Variants in SLC4A5 observed in about 807,000 individuals in gnomAD.
The protein encoded by SLC4A5 is electrogenic sodium bicarbonate cotransporter 4.
In SLC4A5, 96 loss-of-function variants were observed where a neutral mutation model predicts 120.4. The observed-to-expected ratio is 0.80, with a 90% CI of 0.68 to 0.94. The LOEUF is 0.94. Ranked by LOEUF, SLC4A5 falls within the 40% of genes least tolerant of loss-of-function variation. The probability of loss-of-function intolerance (pLI) is 0.00; values close to 1 mark genes in which losing one functional copy is unlikely to be tolerated. For synonymous variants in SLC4A5, 550 were observed against 571.1 expected (o/e 0.96, Z 0.53); for missense variants, 1,259 against 1,459.5 (o/e 0.86, Z 2.24).
Position 74,252,205 on chromosome 2 carries a change from G to A in SLC4A5, c.1452C>T (p.Ile484=), listed in dbSNP as rs757409721. ...TTCCTGTCCAGATAAGTTCCTCCCC[G>A]ATTTCATGCATGGCTGGCATCTCTC... The change falls in exon 16 of 31, where the codon ATC becomes ATT. Residue 484 remains isoleucine, a synonymous_variant. Coordinates refer to ENST00000394019, the Ensembl canonical transcript of SLC4A5. 5 of 1,612,704 alleles carry A rather than the reference G, an allele frequency of 3.1e-6. No homozygotes were observed. The African/African-American group carries it at 4.0e-5, about 13-fold the overall frequency.
chr2:74,307,481 T>A lies in SLC4A5; in HGVS notation c.80-2801A>T, dbSNP rs948437218. 1.6e-5 allele frequency: 10 copies of A among 624,816 alleles called. No homozygotes were observed. The African/African-American group carries it at 1.8e-4, about 11-fold the overall frequency. The allele number at this position is 624,816 out of a possible 1,614,324, so 38.7% of individuals were successfully genotyped here. ...TGTGGAGCCCACGGATGTCGCTCTC[T>A]ACAGACTAGCGCATGGCCAGCTCTG... On this transcript the variant is annotated intron_variant, in intron 6 of 30. Transcript: ENST00000394019.
intron 7 of SLC4A5, among the ~76,000 whole-genome samples, chr2:74,293,585 C>T (rs12053121): frequency 6.6e-6 from 1 of 152,158 alleles, no homozygotes; most frequent in Non-Finnish European, 1.5e-5. Flanking sequence ...AGGAAGCAGC[C>T]TAGAGGCGAA....
intron 8 of SLC4A5, 103 bp from the exon 9 acceptor site, chr2:74,265,367 T>G: frequency 7.2e-7 from 1 of 1,384,388 alleles, no homozygotes; most frequent in Non-Finnish European, 9.9e-7. Flanking sequence ...ATGCTATGTA[T>G]GTGGTTGTGG....
intron 7 of SLC4A5, among the ~76,000 whole-genome samples, chr2:74,287,679 A>C (rs1390282760): frequency 1.3e-5 from 2 of 152,028 alleles, no homozygotes; most frequent in Non-Finnish European, 2.9e-5. Context: ...AAGCTTCTTG[A>C]TTCAACTCCT....
intron 11 of SLC4A5, among the ~76,000 whole-genome samples, chr2:74,261,112 G>T (rs1449206591): frequency 6.6e-6 from 1 of 152,140 alleles, no homozygotes; most frequent in Non-Finnish European, 1.5e-5. Flanking sequence ...TGCATGCTGG[G>T]CCACCTCATG....
At chr2:74,293,306 G>T (rs78008698) in intron 7 of SLC4A5, among the ~76,000 whole-genome samples, 3 of 152,140 alleles carry the variant, frequency 2.0e-5, no homozygotes, top group Non-Finnish European at 4.4e-5. Context: ...CTGTGTTCAC[G>T]GGAATCCTTC....
Position 74,226,937 on chromosome 2 carries a change from G to A in SLC4A5, c.3090+20C>T, listed in dbSNP as rs1158891540. 10 of 1,607,144 alleles carry A rather than the reference G, an allele frequency of 6.2e-6. No homozygotes were observed. Among genetic ancestry groups the A allele is most frequent in the East Asian group, 2.2e-5 (1 of 44,724 alleles). On this transcript the variant is annotated intron_variant, in intron 27 of 30. Coordinates refer to ENST00000394019, the Ensembl canonical transcript of SLC4A5. ...AGGCCAACCTGCCAGGCAGGAGGGG[G>A]AAGCCCGTGCCCACTTTACCATGAC...
chr2:74,225,433 TA>T (rs1694809285), intron 27 of SLC4A5, among the ~76,000 whole-genome samples: 1 of 152,088 alleles, frequency 6.6e-6, no homozygotes, highest in African/African-American at 2.4e-5. Flanking sequence ...CTGTCCCTAC[TA>T]AAAGTACAAA....
intron 8 of SLC4A5, among the ~76,000 whole-genome samples, chr2:74,276,663 T>C (rs1389425028): frequency 2.5e-5 from 2 of 78,660 alleles, no homozygotes; most frequent in Non-Finnish European, 4.2e-5. Context: ...ACGTTAAGTG[T>C]ATATCTTCAT....
intron 8 of SLC4A5, among the ~76,000 whole-genome samples, chr2:74,267,598 T>C (rs1039442587): frequency 6.6e-6 from 1 of 152,268 alleles, no homozygotes; most frequent in Non-Finnish European, 1.5e-5. Flanking sequence ...GAGGGATCCA[T>C]GTCAAATGGT....
At chr2:74,288,427 G>A (rs1022290856) in intron 7 of SLC4A5, among the ~76,000 whole-genome samples, 7 of 152,204 alleles carry the variant, frequency 4.6e-5, no homozygotes, top group Non-Finnish European at 1.5e-5. Context: ...CAACAGCACT[G>A]AGAAGCTATG....
chr2:74,259,324 A>G (rs1671063366), intron 12 of SLC4A5, among the ~76,000 whole-genome samples: 1 of 152,140 alleles, frequency 6.6e-6, no homozygotes, highest in Non-Finnish European at 1.5e-5. Context: ...AAGCTCAAGG[A>G]CAGCTGGCGC....
chr2:74,256,863 G>T (rs1161284242), intron 12 of SLC4A5, among the ~76,000 whole-genome samples: 4 of 152,192 alleles, frequency 2.6e-5, no homozygotes, highest in Non-Finnish European at 4.4e-5. Context: ...GAGCAGTTGG[G>T]GTAGCGGCAG....
intron 8 of SLC4A5, among the ~76,000 whole-genome samples, chr2:74,267,341 T>G (rs1671337567): frequency 6.6e-6 from 1 of 152,180 alleles, no homozygotes; most frequent in Non-Finnish European, 1.5e-5. Flanking sequence ...CCCTGTAATA[T>G]GTATACAAGG....
At chr2:74,246,554 C>T (rs960343545) in intron 19 of SLC4A5, among the ~76,000 whole-genome samples, 3 of 152,234 alleles carry the variant, frequency 2.0e-5, no homozygotes, top group Admixed American at 6.5e-5. Context: ...ACAGAGCCTC[C>T]ACTCTGGACA....
intron 6 of SLC4A5, among the ~76,000 whole-genome samples, chr2:74,308,738 ATTT>A (rs201646465): frequency 1.4e-5 from 2 of 143,852 alleles, no homozygotes; most frequent in African/African-American, 5.0e-5. Context: ...CCAGCTTATC[ATTT>A]TTTTTTTTTC....
intron 7 of SLC4A5, among the ~76,000 whole-genome samples, chr2:74,300,883 G>C (rs1035873851): frequency 1.3e-5 from 2 of 152,168 alleles, no homozygotes; most frequent in African/African-American, 2.4e-5. Context: ...ACCTGCTGTG[G>C]GAATGAGGAC....
intron 2 of SLC4A5, chr2:74,339,519 G>C (rs1673577043): frequency 6.6e-6 from 1 of 152,170 alleles, no homozygotes; most frequent in Non-Finnish European, 1.5e-5. Context: ...GTGCCTATGG[G>C]TACAGTATGG....
At chr2:74,226,569 TTAGC>T (rs1275665865) in intron 27 of SLC4A5, among the ~76,000 whole-genome samples, 1 of 152,154 alleles carries the variant, frequency 6.6e-6, no homozygotes, top group African/African-American at 2.4e-5. Context: ...CTTTTTAAAT[TTAGC>T]TATCTTGAAT....
Sources: gnomAD v4.1 joint callset for allele counts (sites outside exome capture counted in the v4.1 genomes callset) on GRCh38, gnomAD v4.1.1 for gene constraint, MANE v1.5 for transcripts, NCBI Gene and HGNC (gene_info 2026-07-23, HGNC 2026-07-21) for gene names.